The following UMAD1 variants were observed in gnomAD, a reference collection of about 807,000 sequenced individuals.
UMAD1 encodes UBAP1-MVB12-associated (UMA)-domain containing protein 1.
Under a neutral mutation model 6.1 loss-of-function variants are expected in UMAD1, and 8 were observed. The observed-to-expected ratio is 1.30, with a 90% CI of 0.76 to 2.35. UMAD1 has a LOEUF of 2.35. UMAD1 is among the 30% of genes most tolerant of loss of function. The pLI, the probability that UMAD1 is intolerant of heterozygous loss-of-function variation, is 0.00. For synonymous variants in UMAD1, 56 were observed against 31.4 expected (o/e 1.78, Z -2.61); for missense variants, 130 against 78.4 (o/e 1.66, Z -2.49).
At chr7:7,709,485 G>A in intron 2 of UMAD1, among the ~76,000 whole-genome samples, 1 of 152,206 alleles carries the variant, frequency 6.6e-6, no homozygotes, top group East Asian at 1.9e-4. Flanking sequence ...AAAGCAGAAG[G>A]AACTGTGTGG....
At chr7:7,800,340 T>A (rs1213489155) in intron 2 of UMAD1, among the ~76,000 whole-genome samples, 1 of 152,288 alleles carries the variant, frequency 6.6e-6, no homozygotes, top group Non-Finnish European at 1.5e-5. Flanking sequence ...TGTAAACATT[T>A]TGTGGGTTAA....
intron 2 of UMAD1, among the ~76,000 whole-genome samples, chr7:7,799,532 TGATGGA>T (rs1292556211): frequency 6.6e-6 from 1 of 152,236 alleles, no homozygotes; most frequent in Admixed American, 6.5e-5. Context: ...AGTGTTTGTG[TGATGGA>T]TGGAATAGTA....
At chr7:7,808,106 T>C (rs866134642) in intron 3 of UMAD1, among the ~76,000 whole-genome samples, 1 of 152,052 alleles carries the variant, frequency 6.6e-6, no homozygotes, top group Non-Finnish European at 1.5e-5. Flanking sequence ...ATGTTTGGGC[T>C]TATTAAAATT....
intron 2 of UMAD1, among the ~76,000 whole-genome samples, chr7:7,721,922 GC>G (rs1781057638): frequency 6.6e-6 from 1 of 152,136 alleles, no homozygotes; most frequent in Non-Finnish European, 1.5e-5. Flanking sequence ...CTAATCAGCT[GC>G]CCGCTTGGCT....
chr7:7,859,220 A>G (rs1396511270), intron 3 of UMAD1, among the ~76,000 whole-genome samples: 1 of 152,184 alleles, frequency 6.6e-6, no homozygotes, highest in Non-Finnish European at 1.5e-5. Flanking sequence ...TCTATTGTGA[A>G]CTCATTAGCC....
intron 2 of UMAD1, among the ~76,000 whole-genome samples, chr7:7,719,917 A>G (rs1406768935): frequency 6.6e-6 from 1 of 152,188 alleles, no homozygotes; most frequent in South Asian, 2.1e-4. Context: ...TATTCAGAGA[A>G]GTACCTCCCT....
chr7:7,813,458 C>T lies in UMAD1; in HGVS notation c.156+11715C>T, dbSNP rs551405185. On this transcript the variant is annotated intron_variant, in intron 3 of 3. Coordinates refer to ENST00000682710, the MANE Select transcript of UMAD1 (RefSeq NM_001302348.2). Reference sequence around the variant, plus strand: ...TGACCTCATGATCCGCCTGCCTTGGCCTCCCAAAGTGCTGGGATTACAGGC... The same window carrying T: ...TGACCTCATGATCCGCCTGCCTTGGTCTCCCAAAGTGCTGGGATTACAGGC... 3.9e-5 allele frequency among the ~76,000 whole-genome samples: 6 copies of T among 152,310 alleles called. No homozygotes were observed. The South Asian group carries it at 1.2e-3, about 32-fold the overall frequency.
At chr7:7,736,299 T>A (rs1008358478) in intron 2 of UMAD1, 1 of 152,662 alleles carries the variant, frequency 6.6e-6, no homozygotes, top group Non-Finnish European at 1.5e-5. Context: ...GCAGCTCTAT[T>A]TTGAAATTGC....
At chr7:7,840,012 G>A (rs934029031) in intron 3 of UMAD1, among the ~76,000 whole-genome samples, 3 of 152,048 alleles carry the variant, frequency 2.0e-5, no homozygotes, top group African/African-American at 7.3e-5. Context: ...ATGGAATTGG[G>A]GTGTATACAA....
chr7:7,649,559 G>C (rs1209126472), intron 1 of UMAD1, among the ~76,000 whole-genome samples: 1 of 152,088 alleles, frequency 6.6e-6, no homozygotes. Flanking sequence ...TGCTTCCTAT[G>C]TGTTCTGTTT....
At chr7:7,733,215 C>T (rs1486801930) in intron 2 of UMAD1, among the ~76,000 whole-genome samples, 1 of 152,114 alleles carries the variant, frequency 6.6e-6, no homozygotes, top group African/African-American at 2.4e-5. Flanking sequence ...TCTGGGTAGT[C>T]AGCTGAATGC....
At chr7:7,643,320 C>G (rs952641402) in intron 1 of UMAD1, among the ~76,000 whole-genome samples, 3 of 152,190 alleles carry the variant, frequency 2.0e-5, no homozygotes, top group Admixed American at 2.0e-4. Context: ...GTGCATGTAA[C>G]TCCCTAAAAA....
intron 3 of UMAD1, among the ~76,000 whole-genome samples, chr7:7,819,319 A>G (rs1783197534): frequency 6.6e-6 from 1 of 152,186 alleles, no homozygotes; most frequent in Non-Finnish European, 1.5e-5. Flanking sequence ...TCAAAATTTT[A>G]AGCCCCCATT....
rs910170486 is a variant in UMAD1, at chr7:7,783,731, C to T, written c.83-17939C>T. 3.9e-5 allele frequency among the ~76,000 whole-genome samples: 6 copies of T among 152,154 alleles called. 1 individual carries two copies. Among genetic ancestry groups the T allele is most frequent in the Admixed American group, 2.0e-4 (3 of 15,278 alleles). ...AGAAACAAAGCACCAAAGCCAGAAA[C>T]AATTACACCAGCAGAATACTTAAAA... On this transcript the variant is annotated intron_variant, in intron 2 of 3. Coordinates refer to ENST00000682710, the MANE Select transcript of UMAD1 (RefSeq NM_001302348.2).
At chr7:7,675,027 A>T (rs933984751) in intron 2 of UMAD1, among the ~76,000 whole-genome samples, 20 of 151,922 alleles carry the variant, frequency 1.3e-4, no homozygotes, top group South Asian at 2.1e-4. Context: ...AATTTTTTTT[A>T]AAATTATTTT....
intron 2 of UMAD1, among the ~76,000 whole-genome samples, chr7:7,676,568 T>C (rs1779745658): frequency 6.6e-6 from 1 of 152,224 alleles, no homozygotes; most frequent in Non-Finnish European, 1.5e-5. Flanking sequence ...TTGTATTCTC[T>C]ACAATTGAAA....
intron 2 of UMAD1, among the ~76,000 whole-genome samples, chr7:7,699,823 GAATTGGCATGGTAAGAACTCTA>G (rs1378039560): frequency 6.6e-6 from 1 of 152,190 alleles, no homozygotes; most frequent in Non-Finnish European, 1.5e-5. Flanking sequence ...ATGAGTAGAT[GAATTGGCATGGTAAGAACTCTA>G]AACTGAGCTC....
At chr7:7,698,590 C>T (rs962503583) in intron 2 of UMAD1, among the ~76,000 whole-genome samples, 2 of 151,948 alleles carry the variant, frequency 1.3e-5, no homozygotes, top group Admixed American at 6.6e-5. Context: ...AACTGGAGAT[C>T]CTGTTTAGGC....
At chr7:7,826,707 A>G (rs998691286) in intron 3 of UMAD1, among the ~76,000 whole-genome samples, 1 of 152,032 alleles carries the variant, frequency 6.6e-6, no homozygotes, top group East Asian at 1.9e-4. Context: ...CCTTTAAGTA[A>G]TTTTCTGAAA....
Sources: allele counts gnomAD v4.1 joint callset (sites outside exome capture counted in the v4.1 genomes callset), GRCh38; gene constraint gnomAD v4.1.1; transcripts MANE v1.5; gene names NCBI Gene and HGNC (gene_info 2026-07-23, HGNC 2026-07-21).